ADGRL2: variants seen among roughly 807,000 people sequenced by gnomAD.
ADGRL2 encodes adhesion G protein-coupled receptor L2.
In ADGRL2, 44 loss-of-function variants were observed where a neutral mutation model predicts 157.4. The observed-to-expected ratio is 0.28, with a 90% CI of 0.22 to 0.36. The LOEUF (loss-of-function observed/expected upper bound fraction) is 0.36. Ranked by LOEUF, ADGRL2 falls within the 10% of genes least tolerant of loss-of-function variation. The pLI, the probability that ADGRL2 is intolerant of heterozygous loss-of-function variation, is 1.00. For missense variants in ADGRL2, 1,510 were observed against 1,768.9 expected, an observed-to-expected ratio of 0.85 and a Z score of 2.63; for synonymous variants, 585 against 624.7, an observed-to-expected ratio of 0.94 and a Z score of 0.95.
At chr1:81,918,467 T>C (rs1188658500) in intron 3 of ADGRL2, among the ~76,000 whole-genome samples, 1 of 152,180 alleles carries the variant, frequency 6.6e-6, no homozygotes, top group Non-Finnish European at 1.5e-5. Context: ...TTACATATTC[T>C]TGGTGGAGTA....
chr1:81,370,902 G>T (rs1222115452), intron 1 of ADGRL2, among the ~76,000 whole-genome samples: 2 of 152,066 alleles, frequency 1.3e-5, no homozygotes, highest in Admixed American at 6.6e-5. Context: ...AACATATTAG[G>T]CCTTTCCTTT....
At chr1:81,887,382 A>G (rs2094150169) in intron 2 of ADGRL2, among the ~76,000 whole-genome samples, 1 of 152,200 alleles carries the variant, frequency 6.6e-6, no homozygotes, top group Admixed American at 6.5e-5. Context: ...TCAAATTGTG[A>G]TTTCCAACCC....
intron 1 of ADGRL2, among the ~76,000 whole-genome samples, chr1:81,830,914 TC>T (rs2091900291): frequency 6.6e-6 from 1 of 152,234 alleles, no homozygotes; most frequent in South Asian, 2.1e-4. Context: ...ATATGACAGA[TC>T]CTGGGTCATT....
At chr1:81,971,210 A>G (rs1386332138) in intron 16 of ADGRL2, among the ~76,000 whole-genome samples, 2 of 152,160 alleles carry the variant, frequency 1.3e-5, no homozygotes, top group African/African-American at 4.8e-5. Flanking sequence ...TGTACAGATG[A>G]TGAAAGACAA....
upstream of ADGRL2, among the ~76,000 whole-genome samples, chr1:81,699,290 G>A (rs201664696): frequency 3.9e-5 from 6 of 152,284 alleles, no homozygotes; most frequent in East Asian, 1.2e-3. Flanking sequence ...AGAAGAGGGT[G>A]ATTCTAAAAA....
intron 1 of ADGRL2, among the ~76,000 whole-genome samples, chr1:81,754,666 C>T (rs1389750587): frequency 7.1e-6 from 1 of 140,384 alleles, no homozygotes; most frequent in African/African-American, 2.9e-5. Flanking sequence ...TCCTCCCTCC[C>T]TTCCTCCTTT....
intron 1 of ADGRL2, among the ~76,000 whole-genome samples, chr1:81,333,048 G>T (rs1449401417): frequency 6.6e-6 from 1 of 152,106 alleles, no homozygotes; most frequent in Non-Finnish European, 1.5e-5. Flanking sequence ...ATAACTTTGG[G>T]CAAATCATGA....
At chr1:81,493,353 A>G (rs1322375643) in intron 2 of ADGRL2, among the ~76,000 whole-genome samples, 4 of 152,088 alleles carry the variant, frequency 2.6e-5, no homozygotes, top group Admixed American at 6.6e-5. Context: ...TCCATCAAAC[A>G]TAGGCCCATG....
chr1:81,917,604 C>T (rs572398236), intron 3 of ADGRL2, among the ~76,000 whole-genome samples: 14 of 152,238 alleles, frequency 9.2e-5, no homozygotes, highest in South Asian at 6.2e-4. Flanking sequence ...TAACACGTCA[C>T]GGTTCTCTCA....
intron 17 of ADGRL2, among the ~76,000 whole-genome samples, chr1:81,974,465 T>TG (rs1659609367): frequency 6.6e-6 from 1 of 152,206 alleles, no homozygotes; most frequent in South Asian, 2.1e-4. Context: ...AACACCTCTC[T>TG]GGCTGCTAGT....
chr1:81,645,932 A>G (rs2082307139), intron 3 of ADGRL2, among the ~76,000 whole-genome samples: 1 of 152,134 alleles, frequency 6.6e-6, no homozygotes, highest in African/African-American at 2.4e-5. Context: ...TACAGTACCA[A>G]TTCACTCTTC....
intron 2 of ADGRL2, among the ~76,000 whole-genome samples, chr1:81,527,173 T>A (rs1247447224): frequency 6.6e-6 from 1 of 152,238 alleles, no homozygotes; most frequent in Non-Finnish European, 1.5e-5. Flanking sequence ...AACCTGGTTC[T>A]GCTCTTTAGG....
rs190432627 is a variant in ADGRL2 at position 81,831,087 on chromosome 1, C to G, written c.-100-5798C>G. Among the ~76,000 whole-genome samples, 455 of 152,258 alleles carry G rather than the reference C, an allele frequency of 3.0e-3. 1 individual carries two copies. The highest frequency in any genetic ancestry group is 4.4e-3 in the Non-Finnish European group (301 of 68,026). ...GCCACGTTGAGTTTTTTCTGTTATA[C>G]TTACCCGAATGATGATTAGTCCATA... On this transcript the variant is annotated intron_variant, in intron 1 of 23. Coordinates refer to ENST00000686636, the MANE Select transcript of ADGRL2 (RefSeq NM_001366006.2).
chr1:81,883,371 C>T (rs1408321854), intron 2 of ADGRL2, among the ~76,000 whole-genome samples: 2 of 152,138 alleles, frequency 1.3e-5, no homozygotes, highest in African/African-American at 4.8e-5. Flanking sequence ...CCAGTAGGAA[C>T]ATTTGTGATC....
intron 2 of ADGRL2, among the ~76,000 whole-genome samples, chr1:81,511,400 G>GCACACACA (rs149522214): frequency 0.018 from 2,252 of 127,162 alleles, 51 homozygotes; most frequent in Admixed American, 0.055. Context: ...AAAAAAGCGC[G>GCACACACA]CACACACACA....
intron 1 of ADGRL2, among the ~76,000 whole-genome samples, chr1:81,801,947 C>A (rs945907668): frequency 6.6e-6 from 1 of 151,982 alleles, no homozygotes; most frequent in East Asian, 1.9e-4. Flanking sequence ...CGAAGAGCGG[C>A]GTGTGGGAAA....
intron 2 of ADGRL2, among the ~76,000 whole-genome samples, chr1:81,489,788 C>T (rs2078590567): frequency 1.3e-5 from 2 of 152,044 alleles, no homozygotes; most frequent in South Asian, 2.1e-4. Context: ...TTGTAGAGGC[C>T]CAACAGCAGT....
chr1:81,597,210 C>T (rs1038596672), intron 3 of ADGRL2, among the ~76,000 whole-genome samples: 1 of 152,112 alleles, frequency 6.6e-6, no homozygotes, highest in African/African-American at 2.4e-5. Context: ...GGTGGTGTTA[C>T]AGTAGCAGTT....
chr1:81,968,796 C>T (rs1657886757), intron 14 of ADGRL2, among the ~76,000 whole-genome samples: 1 of 152,120 alleles, frequency 6.6e-6, no homozygotes. Context: ...TAAAACTTGG[C>T]TTATGTGTTA....
Sources: gnomAD v4.1 joint callset for allele counts (sites outside exome capture counted in the v4.1 genomes callset) on GRCh38, gnomAD v4.1.1 for gene constraint, MANE v1.5 for transcripts, NCBI Gene and HGNC (gene_info 2026-07-23, HGNC 2026-07-21) for gene names.